ITFG2: variants seen among roughly 807,000 people sequenced by gnomAD.
ITFG2 encodes the protein integrin alpha FG-GAP repeat containing 2, also known as KICSTOR complex protein ITFG2.
In ITFG2, 36 loss-of-function variants were observed where a neutral mutation model predicts 54.4. The ratio of observed to expected loss-of-function variants is 0.66; its 90% CI spans 0.51 to 0.87. ITFG2 has a LOEUF of 0.87. ITFG2 is among the 40% of genes least tolerant of loss of function. ITFG2 has a pLI of 0.00. For synonymous variants in ITFG2, 211 were observed against 225.4 expected, an observed-to-expected ratio of 0.94 and a Z score of 0.57; for missense variants, 524 against 576.7, an observed-to-expected ratio of 0.91 and a Z score of 0.94.
chr12:2,817,987 C>T (rs2097927595), intron 3 of ITFG2, 37 bp downstream of exon 3: 1 of 1,611,720 alleles, frequency 6.2e-7, no homozygotes, highest in Non-Finnish European at 8.5e-7. Flanking sequence ...GTTCTTAGCT[C>T]ACAGTGGAAA....
rs1214184818 is a variant in ITFG2, at chr12:2,820,883, A to G, written c.695+11A>G. 6.2e-7 allele frequency: 1 copy of G among 1,613,648 alleles called. No homozygotes were observed. The highest frequency in any genetic ancestry group is 8.5e-7 in the Non-Finnish European group (1 of 1,179,672). Reference sequence around the variant, plus strand: ...CACGGATGGTAGTAGGTAAGGGGGTACAGGCCAGTGGATGGTGTGGGGGTG... The same window carrying G: ...CACGGATGGTAGTAGGTAAGGGGGTGCAGGCCAGTGGATGGTGTGGGGGTG... On this transcript the variant is annotated intron_variant, in intron 6 of 11. Transcript: ENST00000228799.
rs180877100 is a variant in ITFG2, at chr12:2,814,192, G to A, written c.96+1336G>A. On this transcript the variant is annotated intron_variant, in intron 1 of 11. Transcript: ENST00000228799. ...ACCTCTGGCTTCAAGCAGTACACTG[G>A]CCTCAGTGTCCCAAAGTGCTGGAAT... 3.9e-3 allele frequency among the ~76,000 whole-genome samples: 599 copies of A among 152,230 alleles called. 1 individual carries two copies. The highest frequency in any genetic ancestry group is 0.013 in the African/African-American group (556 of 41,522).
At chr12:2,837,341 G>A (rs914101615) in intron 1 of ITFG2, among the ~76,000 whole-genome samples, 59 of 152,320 alleles carry the variant, frequency 3.9e-4, no homozygotes, top group African/African-American at 1.3e-3. Flanking sequence ...AGCCGGGCGC[G>A]GTGGCAGGCG....
chr12:2,847,262 A>G (rs2098055640), intron 2 of ITFG2, among the ~76,000 whole-genome samples: 2 of 152,256 alleles, frequency 1.3e-5, no homozygotes, highest in Non-Finnish European at 2.9e-5. Context: ...TACACAAATC[A>G]GTGGCATGAG....
Position 2,817,101 on chromosome 12 carries a change from AT to A in ITFG2, c.97-121del. 4 of 638,778 alleles carry A rather than the reference AT, an allele frequency of 6.3e-6. No individual in the cohort carries two copies. The East Asian group carries it at 1.1e-4, about 18-fold the overall frequency. The allele number at this position is 638,778 out of a possible 1,614,324, so 39.6% of individuals were successfully genotyped here. ...GTCATTGCACCTGGCCAGACTTTTA[AT>A]AAAGTAGATGAAGATACAAGTTGAG... On this transcript the variant is annotated intron_variant, in intron 1 of 11. Coordinates refer to ENST00000228799, the MANE Select transcript of ITFG2 (RefSeq NM_018463.4).
chr12:2,827,680 A>G (rs773697783), downstream of ITFG2: 58 of 1,613,980 alleles, frequency 3.6e-5, no homozygotes, highest in East Asian at 8.7e-4. The surrounding 1 kb of genome is among the most constrained non-coding windows in gnomAD (Gnocchi z 4.0). Flanking sequence ...CTCAGCATCT[A>G]TAGGAACAAT....
chr12:2,847,273 G>A (rs140191502), intron 2 of ITFG2, among the ~76,000 whole-genome samples: 86 of 152,244 alleles, frequency 5.6e-4, no homozygotes, highest in African/African-American at 2.0e-3. Flanking sequence ...GTGGCATGAG[G>A]TGGTCCCTTC....
chr12:2,821,931 CTT>C (rs375280127), intron 9 of ITFG2, 139 bp downstream of exon 9: 17,310 of 479,826 alleles, frequency 0.036, no homozygotes, highest in South Asian at 0.054. Context: ...TTTTTTTTTC[CTT>C]TTTTTTTTTT....
chr12:2,835,526 A>C (rs2098025162), upstream of ITFG2: 2 of 152,530 alleles, frequency 1.3e-5, 1 homozygote, highest in South Asian at 4.1e-4. Context: ...CAGATGTCAG[A>C]GTCTTTAACT....
Position 2,824,486 on chromosome 12 carries a change from C to CT in ITFG2, c.*294dup. ...TCCAAATCATCTGGGACATGACCCA[C>CT]TCCCCACTGTCACTGTGTTGAAAAC... is the stretch of plus-strand genomic sequence containing the variant. On this transcript the variant is annotated 3_prime_UTR_variant, in exon 12 of 12. Coordinates refer to ENST00000228799, the MANE Select transcript of ITFG2 (RefSeq NM_018463.4). 2 of 424,808 alleles carry CT rather than the reference C, an allele frequency of 4.7e-6. No homozygotes were observed. The highest frequency in any genetic ancestry group is 8.9e-6 in the Non-Finnish European group (2 of 225,210). 26.3% of individuals were successfully genotyped at this position (424,808 alleles called of 1,614,324 possible). A position where few individuals can be genotyped will look rare whatever the true frequency, so the allele number is the denominator to read the frequency against.
intron 4 of ITFG2, among the ~76,000 whole-genome samples, chr12:2,819,491 C>T (rs932182313): frequency 6.6e-6 from 1 of 151,386 alleles, no homozygotes; most frequent in Non-Finnish European, 1.5e-5. Context: ...ATGAGCTGAG[C>T]GTGGTGGCAT....
intron 5 of ITFG2, among the ~76,000 whole-genome samples, 157 bp from the exon 6 acceptor site, chr12:2,820,567 T>A (rs2097940182): frequency 6.6e-6 from 1 of 151,986 alleles, no homozygotes; most frequent in African/African-American, 2.4e-5. Context: ...CTCGAAATCC[T>A]TCCTCCTGCT....
intron 9 of ITFG2, 70 bp downstream of exon 9, chr12:2,821,862 T>C: frequency 8.7e-7 from 1 of 1,148,402 alleles, no homozygotes; most frequent in Non-Finnish European, 1.3e-6. Context: ...TTTGGAATAA[T>C]CAGGCTATTC....
rs539900660 is a variant in ITFG2 at position 2,849,974 on chromosome 12, A to G, written n.301-8038A>G. Among the ~76,000 whole-genome samples the G allele has an allele frequency of 2.0e-4, 30 of 152,298 alleles. 1 individual carries two copies. The South Asian group carries it at 5.2e-3, about 26-fold the overall frequency. On this transcript the variant is annotated intron_variant and non_coding_transcript_variant, in intron 2 of 3. Coordinates refer to the ITFG2 transcript ENST00000537710. ...CTTTTGTTTCTTTTAACACAGCTGA[A>G]TAGTGGCCAGTTTTCTATGACTCAG...
At chr12:2,827,655 G>A, downstream of ITFG2, 1 of 1,614,148 alleles carries the variant, frequency 6.2e-7, no homozygotes, top group Non-Finnish European at 8.5e-7. This position sits in a 1 kb window ranked among gnomAD's most constrained non-coding sequence, Gnocchi z 4.0. Context: ...GCAGGCCCAG[G>A]CAGAATTCAG....
chr12:2,841,908 G>A (rs1328826747), intron 2 of ITFG2, among the ~76,000 whole-genome samples: 1 of 151,090 alleles, frequency 6.6e-6, no homozygotes, highest in Non-Finnish European at 1.5e-5. Context: ...TAGTAGTGAT[G>A]TGGTTTCACC....
intron 2 of ITFG2, among the ~76,000 whole-genome samples, chr12:2,844,101 A>C (rs2098047707): frequency 7.5e-6 from 1 of 133,526 alleles, no homozygotes; most frequent in Non-Finnish European, 1.6e-5. Context: ...CTAAAAATAC[A>C]AAAAAAAATA....
chr12:2,849,275 T>C, intron 2 of ITFG2: 1 of 1,536,124 alleles, frequency 6.5e-7, no homozygotes, highest in Non-Finnish European at 8.7e-7. Flanking sequence ...GCTGGGGATT[T>C]GCTTGCTTGT....
intron 3 of ITFG2, chr12:2,858,957 T>A (rs764617916): frequency 1.2e-6 from 2 of 1,613,386 alleles, no homozygotes; most frequent in Non-Finnish European, 1.7e-6. Context: ...GGTGCTGAGA[T>A]CCATCAGCCC....
Sources: allele counts gnomAD v4.1 joint callset (sites outside exome capture counted in the v4.1 genomes callset), GRCh38; gene constraint gnomAD v4.1.1; non-coding constraint Gnocchi (gnomAD v3.1); transcripts MANE v1.5; gene names NCBI Gene and HGNC (gene_info 2026-07-23, HGNC 2026-07-21).